PLEKHM3: variants seen among roughly 807,000 people sequenced by gnomAD.
PLEKHM3 encodes pleckstrin homology domain containing M3, also known as pleckstrin homology domain-containing family M member 3.
PLEKHM3 carries 45 observed loss-of-function variants against 81.8 expected under a neutral mutation model. That is an observed-to-expected ratio of 0.55 (90% confidence interval 0.43 to 0.71). The LOEUF (loss-of-function observed/expected upper bound fraction) is 0.71, where lower values mean the gene tolerates loss of function less well. Ranked by LOEUF, PLEKHM3 falls within the 30% of genes least tolerant of loss-of-function variation. PLEKHM3 has a pLI of 0.00. For synonymous variants in PLEKHM3, 352 were observed against 356.4 expected, an observed-to-expected ratio of 0.99 and a Z score of 0.14; for missense variants, 788 against 924.3, an observed-to-expected ratio of 0.85 and a Z score of 1.91.
intron 6 of PLEKHM3, among the ~76,000 whole-genome samples, chr2:207,887,700 A>G (rs1475799458): frequency 2.0e-5 from 3 of 152,196 alleles, no homozygotes; most frequent in African/African-American, 7.2e-5. Flanking sequence ...CCTGAACAAA[A>G]AAGACATATA....
At chr2:207,885,187 A>T (rs530852343) in intron 6 of PLEKHM3, among the ~76,000 whole-genome samples, 4 of 151,976 alleles carry the variant, frequency 2.6e-5, no homozygotes, top group Admixed American at 2.6e-4. Flanking sequence ...ACTAGTTTCT[A>T]CTCTCTTCCT....
intron 7 of PLEKHM3, among the ~76,000 whole-genome samples, chr2:207,830,081 C>T (rs1196704022): frequency 1.3e-5 from 2 of 152,020 alleles, no homozygotes; most frequent in African/African-American, 2.4e-5. Context: ...GCGTGCACAC[C>T]TATTCCAGCA....
intron 6 of PLEKHM3, among the ~76,000 whole-genome samples, chr2:207,890,878 A>T (rs902941043): frequency 2.6e-5 from 4 of 152,244 alleles, no homozygotes; most frequent in South Asian, 2.1e-4. Context: ...TGTATTTTTT[A>T]AAAATGCCAG....
At chr2:207,979,867 T>C (rs992093508) in intron 2 of PLEKHM3, among the ~76,000 whole-genome samples, 1 of 152,252 alleles carries the variant, frequency 6.6e-6, no homozygotes, top group African/African-American at 2.4e-5. Context: ...TCTCTGGTCC[T>C]GACATTCATT....
intron 6 of PLEKHM3, 145 bp downstream of exon 6, chr2:207,908,368 GT>G: frequency 1.3e-6 from 1 of 781,328 alleles, no homozygotes; most frequent in Non-Finnish European, 2.1e-6. Context: ...TTTATACTAA[GT>G]TTTCCCCCCA....
rs1692267013 is a variant in PLEKHM3, at chr2:208,000,662, T to C, written c.610+368A>G. ...AGGCTCAGCCCAACGTACGATCTAC[T>C]ATAAGAACAGGCAGTATCATACAAT... is the stretch of plus-strand genomic sequence containing the variant. On this transcript the variant is annotated intron_variant, in intron 2 of 7. Coordinates refer to ENST00000427836, the MANE Select transcript of PLEKHM3 (RefSeq NM_001080475.3). Among the ~76,000 whole-genome samples, 3 of 152,330 alleles carry C rather than the reference T, an allele frequency of 2.0e-5. No individual in the cohort carries two copies. The South Asian group carries it at 6.2e-4, about 32-fold the overall frequency.
At chr2:207,846,512 T>A (rs1200219042) in intron 7 of PLEKHM3, among the ~76,000 whole-genome samples, 1 of 151,694 alleles carries the variant, frequency 6.6e-6, no homozygotes, top group Non-Finnish European at 1.5e-5. Context: ...CCAATTAAAA[T>A]TTTTTTCCTC....
In PLEKHM3 at chr2:207,867,385, T is replaced by A. The variant is rs77141127; in HGVS notation, c.1951-6123A>T. On this transcript the variant is annotated intron_variant, in intron 6 of 7. Transcript: ENST00000427836. ...TATCCAGAAAAGTGAGGTAATAGTATGAAGTTTATTTTAGAATTTACAAAC... is the reference window on the plus strand; with the variant it reads ...TATCCAGAAAAGTGAGGTAATAGTAAGAAGTTTATTTTAGAATTTACAAAC... Among the ~76,000 whole-genome samples, 468 of 152,358 alleles carry A rather than the reference T, an allele frequency of 3.1e-3. 2 individuals carry two copies. The highest frequency in any genetic ancestry group is 0.011 in the African/African-American group (445 of 41,582).
chr2:207,871,129 T>A (rs899007599), intron 6 of PLEKHM3, among the ~76,000 whole-genome samples: 3 of 152,134 alleles, frequency 2.0e-5, no homozygotes, highest in Admixed American at 2.0e-4. Flanking sequence ...TAAATAAATA[T>A]CACCAAAGTA....
intron 6 of PLEKHM3, among the ~76,000 whole-genome samples, chr2:207,907,276 C>A (rs543038616): frequency 1.3e-5 from 2 of 151,988 alleles, no homozygotes; most frequent in Non-Finnish European, 2.9e-5. Flanking sequence ...CCAAGGTGGG[C>A]GGATCACTTG....
intron 7 of PLEKHM3, among the ~76,000 whole-genome samples, chr2:207,841,508 T>TATATATA (rs1559203259): frequency 8.8e-5 from 11 of 125,462 alleles, no homozygotes; most frequent in South Asian, 2.8e-4. Flanking sequence ...TATATATATA[T>TATATATA]TCACCACCAT....
intron 6 of PLEKHM3, among the ~76,000 whole-genome samples, chr2:207,873,630 C>T (rs2092545957): frequency 6.6e-6 from 1 of 152,212 alleles, no homozygotes; most frequent in Non-Finnish European, 1.5e-5. Flanking sequence ...TGTTCCCCTG[C>T]CTGCTGAGCT....
intron 2 of PLEKHM3, among the ~76,000 whole-genome samples, chr2:207,978,417 G>A (rs1343088870): frequency 4.6e-5 from 7 of 151,640 alleles, no homozygotes; most frequent in African/African-American, 7.3e-5. Context: ...AAGAGAGAAC[G>A]TGCCTTCCGC....
At chr2:207,980,082 A>G (rs1001977656) in intron 2 of PLEKHM3, among the ~76,000 whole-genome samples, 1 of 152,144 alleles carries the variant, frequency 6.6e-6, no homozygotes, top group Non-Finnish European at 1.5e-5. Flanking sequence ...CTTTTCCACA[A>G]TAAGACTTAA....
At position 207,828,211 on chromosome 2, in the gene PLEKHM3, G is replaced by A. The variant is rs538631314; in HGVS notation, c.*108C>T. On this transcript the variant is annotated 3_prime_UTR_variant, in exon 8 of 8. Coordinates refer to ENST00000427836, the MANE Select transcript of PLEKHM3 (RefSeq NM_001080475.3). ...ATATATATATCTATATCTAGTTGAA[G>A]AGGATACATACTCTTCTTCCAAAGG... The A allele has an allele frequency of 1.0e-6, 1 of 997,576 alleles. No homozygotes were observed. The highest frequency in any genetic ancestry group is 2.5e-5 in the East Asian group (1 of 40,198). The allele number at this position is 997,576 out of a possible 1,614,324, so 61.8% of individuals were successfully genotyped here. A position where few individuals can be genotyped will look rare whatever the true frequency, so the allele number is the denominator to read the frequency against.
At chr2:207,918,078 C>T (rs1689053867) in intron 5 of PLEKHM3, among the ~76,000 whole-genome samples, 1 of 152,090 alleles carries the variant, frequency 6.6e-6, no homozygotes, top group Admixed American at 6.6e-5. Context: ...GAATAATAAT[C>T]CCCATTTACT....
chr2:207,947,603 T>C (rs776099660), intron 3 of PLEKHM3, among the ~76,000 whole-genome samples: 2 of 152,218 alleles, frequency 1.3e-5, no homozygotes. Flanking sequence ...AATCCTTCCA[T>C]GTGGCCCATT....
chr2:207,848,912 A>C (rs369549322), intron 7 of PLEKHM3, among the ~76,000 whole-genome samples: 135 of 152,338 alleles, frequency 8.9e-4, no homozygotes, highest in African/African-American at 2.9e-3. Context: ...TTTTTTGGTA[A>C]GATTACCTGA....
intron 7 of PLEKHM3, among the ~76,000 whole-genome samples, chr2:207,842,222 C>T (rs2105890126): frequency 6.6e-6 from 1 of 152,350 alleles, no homozygotes; most frequent in South Asian, 2.1e-4. Context: ...GCATGAGCCA[C>T]CGCGCCTGGC....
Sources: allele counts gnomAD v4.1 joint callset (sites outside exome capture counted in the v4.1 genomes callset), GRCh38; gene constraint gnomAD v4.1.1; transcripts MANE v1.5; gene names NCBI Gene and HGNC (gene_info 2026-07-23, HGNC 2026-07-21).